The following NRXN3 variants were observed in gnomAD, a reference collection of about 807,000 sequenced individuals.
NRXN3 encodes neurexin III.
In NRXN3, 32 loss-of-function variants were observed where a neutral mutation model predicts 137.6. The observed-to-expected ratio is 0.23, with a 90% confidence interval of 0.18 to 0.31. The LOEUF is 0.31. Ranked by LOEUF, NRXN3 falls within the 10% of genes least tolerant of loss-of-function variation. The probability of loss-of-function intolerance (pLI) is 1.00; values close to 1 mark genes in which losing one functional copy is unlikely to be tolerated. For synonymous variants in NRXN3, 798 were observed against 784.5 expected (o/e 1.02, Z -0.29); for missense variants, 1,574 against 2,062.5 (o/e 0.76, Z 4.59).
chr14:79,501,098 A>G (rs2096821884), intron 16 of NRXN3, among the ~76,000 whole-genome samples: 1 of 152,186 alleles, frequency 6.6e-6, no homozygotes, highest in East Asian at 1.9e-4. Context: ...GGATCTGTAT[A>G]GTTCATAAAA....
chr14:78,514,621 A>C (rs1263416698), intron 4 of NRXN3, among the ~76,000 whole-genome samples: 6 of 152,158 alleles, frequency 3.9e-5, no homozygotes, highest in Admixed American at 2.6e-4. Context: ...TACATCCCAG[A>C]GATACAGCAA....
intron 16 of NRXN3, among the ~76,000 whole-genome samples, chr14:79,524,159 G>C (rs2097096775): frequency 6.6e-6 from 1 of 152,196 alleles, no homozygotes. Flanking sequence ...GAGAAAACAG[G>C]ATGTGGGATG....
intron 16 of NRXN3, among the ~76,000 whole-genome samples, chr14:79,652,743 A>C (rs746283843): frequency 2.0e-5 from 3 of 151,622 alleles, no homozygotes; most frequent in Non-Finnish European, 4.4e-5. Flanking sequence ...GAGGGAAAGC[A>C]CTTTCCTTTT....
intron 10 of NRXN3, among the ~76,000 whole-genome samples, chr14:78,932,070 A>G (rs1463967021): frequency 6.6e-6 from 1 of 152,006 alleles, no homozygotes; most frequent in African/African-American, 2.4e-5. Flanking sequence ...AACCCGGGAG[A>G]TGGAGGTTGC....
chr14:79,843,472 A>G (rs966164124), intron 20 of NRXN3, among the ~76,000 whole-genome samples: 1 of 152,150 alleles, frequency 6.6e-6, no homozygotes, highest in Admixed American at 6.5e-5. Flanking sequence ...GTAACTTCCT[A>G]AGACAAAAAT....
intron 19 of NRXN3, among the ~76,000 whole-genome samples, chr14:79,799,713 C>T (rs975610967): frequency 1.3e-5 from 2 of 152,166 alleles, no homozygotes; most frequent in African/African-American, 4.8e-5. Flanking sequence ...TCCCCTGTCT[C>T]ACCACTGCCT....
At chr14:79,155,722 A>C (rs1188431439) in intron 15 of NRXN3, among the ~76,000 whole-genome samples, 4 of 151,872 alleles carry the variant, frequency 2.6e-5, no homozygotes, top group African/African-American at 9.7e-5. Flanking sequence ...GGAGATTGGC[A>C]GATTTTAAAA....
At chr14:78,691,647 T>C (rs753077806) in intron 6 of NRXN3, among the ~76,000 whole-genome samples, 4 of 152,152 alleles carry the variant, frequency 2.6e-5, no homozygotes, top group Non-Finnish European at 5.9e-5. Context: ...GAGCCCGGGA[T>C]AGATGCTAAC....
intron 19 of NRXN3, among the ~76,000 whole-genome samples, chr14:79,742,170 A>G (rs1351641625): frequency 2.7e-5 from 4 of 149,904 alleles, no homozygotes; most frequent in Admixed American, 1.3e-4. Flanking sequence ...TGACATTCCT[A>G]TCATTGTTAG....
intron 20 of NRXN3, among the ~76,000 whole-genome samples, chr14:79,851,532 G>A (rs2099391398): frequency 6.6e-6 from 1 of 152,058 alleles, no homozygotes; most frequent in Non-Finnish European, 1.5e-5. Flanking sequence ...CCCATAGCGG[G>A]CAAAAGTTGG....
rs1324903156 is a variant in NRXN3, at chr14:79,487,005, A to C, written c.3444+19603A>C. On this transcript the variant is annotated intron_variant, in intron 16 of 20. Coordinates refer to ENST00000335750, the MANE Select transcript of NRXN3 (RefSeq NM_001330195.2). ...AGATAAAATCCAAAGCTTCTGATTCAATAGCCAACCTCTTCAGCAAGAAGA... is the reference window on the plus strand; with the variant it reads ...AGATAAAATCCAAAGCTTCTGATTCCATAGCCAACCTCTTCAGCAAGAAGA... Among the ~76,000 whole-genome samples, 4 of 149,530 alleles carry C rather than the reference A, an allele frequency of 2.7e-5. No homozygotes were observed. In the East Asian group the frequency reaches 8.1e-4, roughly 30 times the overall value.
At chr14:78,813,792 A>G (rs2098922626) in intron 10 of NRXN3, among the ~76,000 whole-genome samples, 1 of 152,136 alleles carries the variant, frequency 6.6e-6, no homozygotes, top group Non-Finnish European at 1.5e-5. Context: ...ATCGAGAGAA[A>G]TCAATGGGCC....
At chr14:78,490,116 A>G (rs1205780331) in intron 4 of NRXN3, among the ~76,000 whole-genome samples, 4 of 151,910 alleles carry the variant, frequency 2.6e-5, no homozygotes, top group Non-Finnish European at 4.4e-5. Context: ...GGTTTCACCA[A>G]GTTGGCCAGA....
chr14:79,043,221 C>T (rs561273731), intron 15 of NRXN3, among the ~76,000 whole-genome samples: 1 of 152,220 alleles, frequency 6.6e-6, no homozygotes, highest in African/African-American at 2.4e-5. Context: ...CCTATGGGTC[C>T]TCTTTTTACA....
chr14:78,950,609 G>GGGAGGGAAGGAA (rs1217885516), intron 10 of NRXN3, among the ~76,000 whole-genome samples: 1 of 151,572 alleles, frequency 6.6e-6, no homozygotes, highest in East Asian at 1.9e-4. Context: ...AAGAAAGAGA[G>GGGAGGGAAGGAA]GGAGGGAAGG....
intron 15 of NRXN3, among the ~76,000 whole-genome samples, chr14:79,465,718 A>G (rs2096412691): frequency 6.6e-6 from 1 of 152,192 alleles, no homozygotes; most frequent in Non-Finnish European, 1.5e-5. Flanking sequence ...GTAAATGTAA[A>G]AGGTATCTGA....
intron 15 of NRXN3, among the ~76,000 whole-genome samples, chr14:79,207,215 G>C (rs1404313406): frequency 6.6e-6 from 1 of 152,138 alleles, no homozygotes; most frequent in Non-Finnish European, 1.5e-5. Flanking sequence ...AGTGTCATTA[G>C]CTTCACCTGG....
intron 17 of NRXN3, among the ~76,000 whole-genome samples, chr14:79,691,269 T>A (rs2154024866): frequency 6.6e-6 from 1 of 152,114 alleles, no homozygotes; most frequent in Middle Eastern, 3.4e-3. Flanking sequence ...AGATATTTCA[T>A]GCTTGGAAGA....
chr14:78,362,711 T>C (rs563303982), intron 4 of NRXN3, among the ~76,000 whole-genome samples: 1 of 152,348 alleles, frequency 6.6e-6, no homozygotes, highest in Admixed American at 6.5e-5. Context: ...GGTTCATGGC[T>C]ATCAGCTAGA....
Sources: allele counts gnomAD v4.1 joint callset (sites outside exome capture counted in the v4.1 genomes callset), GRCh38; gene constraint gnomAD v4.1.1; transcripts MANE v1.5; gene names NCBI Gene and HGNC (gene_info 2026-07-23, HGNC 2026-07-21).